CHODL: variants seen among roughly 807,000 people sequenced by gnomAD.
The protein encoded by CHODL is transmembrane protein MT75.
Under a neutral mutation model 34.5 loss-of-function variants are expected in CHODL, and 29 were observed. The observed-to-expected ratio is 0.84, with a 90% CI of 0.63 to 1.15. The LOEUF (loss-of-function observed/expected upper bound fraction) is 1.15, where lower values mean the gene tolerates loss of function less well. Ranked by LOEUF, CHODL falls within the 50% of genes most tolerant of loss-of-function variation. The pLI, the probability that CHODL is intolerant of heterozygous loss-of-function variation, is 0.00. For synonymous variants in CHODL, 125 were observed against 116.1 expected, an observed-to-expected ratio of 1.08 and a Z score of -0.49; for missense variants, 332 against 332.5, an observed-to-expected ratio of 1.00 and a Z score of 0.01.
chr21:18,006,960 A>C (rs2063966594), intron 1 of CHODL, among the ~76,000 whole-genome samples: 1 of 152,200 alleles, frequency 6.6e-6, no homozygotes, highest in Non-Finnish European at 1.5e-5. Context: ...TGAGCCTATA[A>C]ATGAGTAACA....
intron 2 of CHODL, among the ~76,000 whole-genome samples, chr21:18,237,656 A>T (rs920653378): frequency 5.2e-4 from 79 of 152,248 alleles, no homozygotes; most frequent in African/African-American, 1.9e-3. Flanking sequence ...TAAAACCTGG[A>T]TGCAGGTGAA....
At chr21:18,214,737 A>T (rs2073807037) in intron 2 of CHODL, among the ~76,000 whole-genome samples, 1 of 152,138 alleles carries the variant, frequency 6.6e-6, no homozygotes, top group African/African-American at 2.4e-5. Flanking sequence ...GTTAATTACT[A>T]GAAGAGTCTT....
chr21:17,982,536 A>T (rs1004229803), intron 1 of CHODL, among the ~76,000 whole-genome samples: 5 of 151,934 alleles, frequency 3.3e-5, no homozygotes, highest in African/African-American at 1.2e-4. Flanking sequence ...TTATTATAGG[A>T]ACATTTCATT....
intron 2 of CHODL, among the ~76,000 whole-genome samples, chr21:18,061,917 GTT>G (rs767283648): frequency 6.6e-6 from 1 of 152,160 alleles, no homozygotes; most frequent in Admixed American, 6.5e-5. Flanking sequence ...AAGATACAGT[GTT>G]TTGCAGAAAA....
chr21:18,164,175 G>A (rs1290334310), intron 2 of CHODL, among the ~76,000 whole-genome samples: 1 of 152,194 alleles, frequency 6.6e-6, no homozygotes, highest in Non-Finnish European at 1.5e-5. Context: ...AGGCTGCCAA[G>A]CAGCACAGGG....
chr21:18,071,063 C>A (rs953857608), intron 2 of CHODL, among the ~76,000 whole-genome samples: 1 of 151,040 alleles, frequency 6.6e-6, no homozygotes, highest in Non-Finnish European at 1.5e-5. Context: ...TATATTTTTT[C>A]AATTTTTACT....
intron 1 of CHODL, among the ~76,000 whole-genome samples, chr21:18,015,368 C>T (rs1181955101): frequency 6.6e-6 from 1 of 152,116 alleles, no homozygotes; most frequent in Non-Finnish European, 1.5e-5. Context: ...CCACCATGAT[C>T]GTAGGTTTTC....
intron 2 of CHODL, among the ~76,000 whole-genome samples, chr21:18,091,014 C>A (rs2065066805): frequency 6.6e-6 from 1 of 152,226 alleles, no homozygotes; most frequent in African/African-American, 2.4e-5. Context: ...ACCGTCTGGC[C>A]TGCAGAGAGA....
rs1212894827 is a variant in CHODL at position 18,013,635 on chromosome 21, C to CTTTTTTTTTTTTTTTTTTTTTTTTTT, written c.-144-14220_-144-14219insTTTTTTTTTTTTTTTTTTTTTTTTTT. ...GATCATTGATTTTCTGCTGCTGCTG[C>CTTTTTTTTTTTTTTTTTTTTTTTTTT]TTTTTTTTTTTTTTTTTGAGACAGA... On this transcript the variant is annotated intron_variant, in intron 1 of 6. Transcript: ENST00000400127. 7.1e-4 allele frequency among the ~76,000 whole-genome samples: 51 copies of CTTTTTTTTTTTTTTTTTTTTTTTTTT among 71,890 alleles called. 22 individuals carry two copies. The highest frequency in any genetic ancestry group is 1.4e-3 in the South Asian group (2 of 1,416). The allele number at this position is 71,890 out of a possible 152,430, so 47.2% of individuals were successfully genotyped here. A position where few individuals can be genotyped will look rare whatever the true frequency, so the allele number is the denominator to read the frequency against.
At chr21:17,981,715 C>T (rs1237550781) in intron 1 of CHODL, among the ~76,000 whole-genome samples, 2 of 152,168 alleles carry the variant, frequency 1.3e-5, no homozygotes, top group African/African-American at 4.8e-5. Context: ...GGTTATGTGG[C>T]CTGGCCTCAT....
chr21:18,234,564 G>A (rs1022868843), intron 2 of CHODL, among the ~76,000 whole-genome samples: 3 of 151,990 alleles, frequency 2.0e-5, no homozygotes, highest in Admixed American at 2.0e-4. Context: ...GCAATATCTG[G>A]GGTAAAAGAG....
intron 4 of CHODL, among the ~76,000 whole-genome samples, chr21:18,262,017 TAATA>T (rs2074388281): frequency 6.6e-6 from 1 of 151,722 alleles, no homozygotes; most frequent in Non-Finnish European, 1.5e-5. Context: ...ACAATAATCT[TAATA>T]ATTATTATTT....
intron 2 of CHODL, among the ~76,000 whole-genome samples, chr21:18,163,551 T>C (rs1413934918): frequency 2.6e-5 from 4 of 152,210 alleles, no homozygotes; most frequent in Non-Finnish European, 5.9e-5. Flanking sequence ...GTTCTATACT[T>C]TGTTACTAAA....
At chr21:18,068,084 T>G (rs1163924284) in intron 2 of CHODL, among the ~76,000 whole-genome samples, 1 of 152,164 alleles carries the variant, frequency 6.6e-6, no homozygotes, top group South Asian at 2.1e-4. Context: ...ATAAAATAAA[T>G]GCACAACAAT....
At chr21:18,039,839 C>T (rs2064353858) in intron 2 of CHODL, among the ~76,000 whole-genome samples, 1 of 151,724 alleles carries the variant, frequency 6.6e-6, no homozygotes, top group Non-Finnish European at 1.5e-5. Context: ...GCAAATTACC[C>T]TTTAAGAGAT....
At chr21:17,941,217 G>A (rs1344402137) in intron 1 of CHODL, among the ~76,000 whole-genome samples, 1 of 150,862 alleles carries the variant, frequency 6.6e-6, no homozygotes, top group Admixed American at 6.6e-5. Context: ...CAAAAGACAA[G>A]GCAGATTGAT....
At chr21:18,031,242 C>G (rs181567570) in intron 2 of CHODL, among the ~76,000 whole-genome samples, 1 of 152,264 alleles carries the variant, frequency 6.6e-6, no homozygotes, top group African/African-American at 2.4e-5. Flanking sequence ...AAAAGTTGTT[C>G]TCTCTTTGCC....
chr21:18,159,979 A>G (rs929893912), intron 2 of CHODL, among the ~76,000 whole-genome samples: 4 of 152,234 alleles, frequency 2.6e-5, no homozygotes, highest in Non-Finnish European at 5.9e-5. Flanking sequence ...ACCTGAAAAG[A>G]TCCTCATCAG....
chr21:18,047,485 G>A (rs887249227), intron 2 of CHODL, among the ~76,000 whole-genome samples: 1 of 151,592 alleles, frequency 6.6e-6, no homozygotes, highest in African/African-American at 2.4e-5. Flanking sequence ...TTTATGGCTT[G>A]TAACTGTATA....
Sources: allele counts gnomAD v4.1 joint callset (sites outside exome capture counted in the v4.1 genomes callset), GRCh38; gene constraint gnomAD v4.1.1; transcripts MANE v1.5; gene names NCBI Gene and HGNC (gene_info 2026-07-23, HGNC 2026-07-21).